PRLR: variants seen among roughly 807,000 people sequenced by gnomAD.
PRLR encodes hPRL receptor.
Under a neutral mutation model 40.2 loss-of-function variants are expected in PRLR, and 13 were observed. That is an observed-to-expected ratio of 0.32 (90% CI 0.21 to 0.51). The LOEUF is 0.51. PRLR is among the 20% of genes least tolerant of loss of function. The pLI, the probability that PRLR is intolerant of heterozygous loss-of-function variation, is 0.97. For synonymous variants in PRLR, 269 were observed against 278.7 expected (o/e 0.97, Z 0.35); for missense variants, 656 against 747.3 (o/e 0.88, Z 1.42).
At chr5:35,219,139 A>C (rs1776355896) in intron 1 of PRLR, among the ~76,000 whole-genome samples, 1 of 152,178 alleles carries the variant, frequency 6.6e-6, no homozygotes, top group Admixed American at 6.5e-5. Flanking sequence ...TCTCCCCACC[A>C]GTCCAACTCC....
chr5:35,175,692 C>T (rs968479521), intron 1 of PRLR, among the ~76,000 whole-genome samples: 10 of 152,190 alleles, frequency 6.6e-5, no homozygotes, highest in Admixed American at 1.3e-4. Context: ...TTGCTCTATG[C>T]ATTTTTTCCA....
At chr5:35,049,903 CTTTT>C (rs57649490) in intron 8 of PRLR, among the ~76,000 whole-genome samples, 2 of 123,514 alleles carry the variant, frequency 1.6e-5, no homozygotes, top group East Asian at 2.3e-4. Flanking sequence ...AAACTACATT[CTTTT>C]TTTTTTTTTT....
intron 4 of PRLR, among the ~76,000 whole-genome samples, chr5:35,084,905 G>A (rs557022370): frequency 1.3e-5 from 2 of 151,966 alleles, no homozygotes; most frequent in African/African-American, 4.8e-5. Context: ...TTGTGGGCTC[G>A]GGGACCTATA....
At chr5:35,194,577 A>C (rs1419991377) in intron 1 of PRLR, among the ~76,000 whole-genome samples, 2 of 152,234 alleles carry the variant, frequency 1.3e-5, no homozygotes, top group Admixed American at 6.5e-5. Flanking sequence ...ACAATGGAGT[A>C]TCACTCAGTG....
intron 2 of PRLR, among the ~76,000 whole-genome samples, chr5:35,114,683 G>A (rs537160896): frequency 3.7e-4 from 57 of 152,174 alleles, no homozygotes; most frequent in Non-Finnish European, 6.6e-4. Flanking sequence ...AGTGGCTCCC[G>A]TATGTGAGTG....
At chr5:35,224,601 A>G (rs768134198) in intron 1 of PRLR, among the ~76,000 whole-genome samples, 7 of 152,334 alleles carry the variant, frequency 4.6e-5, no homozygotes, top group Non-Finnish European at 1.0e-4. Context: ...TAGAGATGCC[A>G]TTTGTATTCA....
intron 1 of PRLR, among the ~76,000 whole-genome samples, chr5:35,150,384 G>A (rs530583071): frequency 6.6e-6 from 1 of 152,274 alleles, no homozygotes; most frequent in Admixed American, 6.5e-5. Flanking sequence ...GAAATGCAAC[G>A]ATGGGCTCTG....
intron 1 of PRLR, among the ~76,000 whole-genome samples, chr5:35,132,415 A>T (rs200948824): frequency 2.0e-5 from 3 of 152,134 alleles, no homozygotes; most frequent in Non-Finnish European, 4.4e-5. Context: ...TATTTTATTT[A>T]AAAAAATCCC....
At chr5:35,167,758 C>T (rs926183823) in intron 1 of PRLR, among the ~76,000 whole-genome samples, 3 of 151,576 alleles carry the variant, frequency 2.0e-5, no homozygotes, top group African/African-American at 7.3e-5. Flanking sequence ...TGCTATAATC[C>T]CTGGGTTAGC....
chr5:35,168,225 C>A (rs1288244647), intron 1 of PRLR, among the ~76,000 whole-genome samples: 1 of 151,880 alleles, frequency 6.6e-6, no homozygotes. Context: ...ACTTCCAAGA[C>A]TAAAAGCAGA....
intron 1 of PRLR, among the ~76,000 whole-genome samples, chr5:35,149,919 C>T (rs570276254): frequency 1.6e-4 from 24 of 151,964 alleles, no homozygotes; most frequent in South Asian, 1.5e-3. Context: ...AGTGCAATGG[C>T]GCAATCTCAG....
intron 1 of PRLR, among the ~76,000 whole-genome samples, chr5:35,218,194 A>C (rs986345327): frequency 7.9e-5 from 12 of 152,284 alleles, no homozygotes; most frequent in African/African-American, 2.9e-4. Flanking sequence ...TTTTCTTTGC[A>C]GTTTTAAATT....
chr5:35,215,244 A>C (rs1447049315), intron 1 of PRLR, among the ~76,000 whole-genome samples: 1 of 152,194 alleles, frequency 6.6e-6, no homozygotes, highest in African/African-American at 2.4e-5. Context: ...AACCAGAAGC[A>C]TGTTGCTGGT....
At position 35,101,540 on chromosome 5, in the gene PRLR, A is replaced by G. The variant is rs534105732; in HGVS notation, c.-43-11877T>C. Among the ~76,000 whole-genome samples the G allele has an allele frequency of 2.0e-5, 3 of 152,090 alleles. No homozygotes were observed. The East Asian group carries it at 5.8e-4, about 29-fold the overall frequency. On this transcript the variant is annotated intron_variant, in intron 2 of 9. Transcript: ENST00000618457. Reference sequence around the variant, plus strand: ...TGTGGAGACTTCAAGAACTGGGACAACCTCCATTGTGAAATCTTCAACTAG... The same window carrying G: ...TGTGGAGACTTCAAGAACTGGGACAGCCTCCATTGTGAAATCTTCAACTAG...
intron 2 of PRLR, among the ~76,000 whole-genome samples, chr5:35,105,073 T>A (rs1042924208): frequency 5.3e-5 from 8 of 152,192 alleles, no homozygotes; most frequent in African/African-American, 1.9e-4. Context: ...ATATTTGCTG[T>A]TCTGCAGCCT....
intron 1 of PRLR, among the ~76,000 whole-genome samples, chr5:35,165,660 C>T (rs553164279): frequency 5.0e-4 from 76 of 152,218 alleles, no homozygotes; most frequent in Admixed American, 4.1e-3. Context: ...TACAGTAGTA[C>T]GATCTTACCT....
At position 35,230,417 on chromosome 5, in the gene PRLR, A is replaced by T. The variant is rs961029436; in HGVS notation, c.-255T>A. The T allele has an allele frequency of 7.2e-5, 11 of 152,294 alleles. No individual in the cohort carries two copies. The highest frequency in any genetic ancestry group is 1.5e-4 in the Non-Finnish European group (10 of 68,066). 9.4% of individuals were successfully genotyped at this position (152,294 alleles called of 1,614,324 possible). A position where few individuals can be genotyped will look rare whatever the true frequency, so the allele number is the denominator to read the frequency against. On this transcript the variant is annotated 5_prime_UTR_variant, in exon 1 of 10. Coordinates refer to ENST00000618457, the MANE Select transcript of PRLR (RefSeq NM_000949.7). ...GTGAGTAAGGCAGAAAGCCCAGCCC[A>T]GAAAACCGGCGTCTGGGGATTTCAG... is the stretch of plus-strand genomic sequence containing the variant.
At chr5:35,073,583 A>G (rs1434800435) in intron 5 of PRLR, among the ~76,000 whole-genome samples, 5 of 152,220 alleles carry the variant, frequency 3.3e-5, no homozygotes, top group African/African-American at 1.2e-4. Flanking sequence ...TACTCGCCTA[A>G]GGTCACATAT....
In PRLR at chr5:35,063,819, G is replaced by A. The variant is rs955961060; in HGVS notation, c.*1270C>T. The A allele has an allele frequency of 1.3e-5, 2 of 152,140 alleles. No individual in the cohort carries two copies. The highest frequency in any genetic ancestry group is 2.9e-5 in the Non-Finnish European group (2 of 68,032). The allele number at this position is 152,140 out of a possible 1,614,324, so 9.4% of individuals were successfully genotyped here. ...AAGATTCACCCATTGATGAACAGGAGTCCCAGAGGAGCCTGAAACTCAAAG... is the reference window on the plus strand; with the variant it reads ...AAGATTCACCCATTGATGAACAGGAATCCCAGAGGAGCCTGAAACTCAAAG... On this transcript the variant is annotated 3_prime_UTR_variant, in exon 10 of 10. Coordinates refer to ENST00000618457, the MANE Select transcript of PRLR (RefSeq NM_000949.7).
Sources: allele counts gnomAD v4.1 joint callset (sites outside exome capture counted in the v4.1 genomes callset), GRCh38; gene constraint gnomAD v4.1.1; transcripts MANE v1.5; gene names NCBI Gene and HGNC (gene_info 2026-07-23, HGNC 2026-07-21).